Variants in HDAC9 observed in about 807,000 individuals in gnomAD.
The protein encoded by HDAC9 is MEF-2 interacting transcription repressor (MITR) protein.
HDAC9 carries 41 observed loss-of-function variants against 139.4 expected under a neutral mutation model. The observed-to-expected ratio is 0.29, with a 90% confidence interval of 0.23 to 0.38. The LOEUF (loss-of-function observed/expected upper bound fraction) is 0.38, where lower values mean the gene tolerates loss of function less well. HDAC9 is among the 10% of genes least tolerant of loss of function. The pLI is 1.00. For missense variants in HDAC9, 1,147 were observed against 1,297.0 expected (o/e 0.88, Z 1.78); for synonymous variants, 517 against 476.2 (o/e 1.09, Z -1.12).
At chr7:18,654,573 G>T (rs1421562725) in intron 11 of HDAC9, among the ~76,000 whole-genome samples, 1 of 151,932 alleles carries the variant, frequency 6.6e-6, no homozygotes, top group Non-Finnish European at 1.5e-5. Flanking sequence ...TCCTAACATA[G>T]GTTGTATGAC....
At chr7:18,177,754 T>C (rs17138725) in intron 2 of HDAC9, among the ~76,000 whole-genome samples, 13,353 of 152,026 alleles carry the variant, frequency 0.088, 771 homozygotes, top group East Asian at 0.16. Flanking sequence ...GTATATAGAG[T>C]GAAGCAGTTG....
In HDAC9 at chr7:18,416,011, C is replaced by G. The variant is rs900943449; in HGVS notation, c.-41-80251C>G. ...GCTAAAATTTTATTTAGAATTTTTG[C>G]AGCCAGGCTCAGTGACTCACGCCTG... On this transcript the variant is annotated intron_variant, in intron 1 of 3. Transcript: ENST00000413509. Among the ~76,000 whole-genome samples, 5 of 152,088 alleles carry G rather than the reference C, an allele frequency of 3.3e-5. No individual in the cohort carries two copies. The East Asian group carries it at 5.8e-4, about 18-fold the overall frequency.
chr7:18,991,423 G>A (rs959679006), intron 25 of HDAC9, among the ~76,000 whole-genome samples: 15 of 152,114 alleles, frequency 9.9e-5, no homozygotes, highest in South Asian at 2.1e-4. Context: ...GGCAGATCAC[G>A]AGGTCAGATC....
rs528512567 is a variant in HDAC9 at position 18,761,438 on chromosome 7, G to A, written c.2044-719G>A. ...TTTCCAATCTGTCAGAGACTAATAC[G>A]CATAAAAAATGTTAAAAATGAAATA... On this transcript the variant is annotated intron_variant, in intron 14 of 25. Coordinates refer to ENST00000686413, the MANE Select transcript of HDAC9 (RefSeq NM_178425.4). Among the ~76,000 whole-genome samples, 17 of 152,204 alleles carry A rather than the reference G, an allele frequency of 1.1e-4. No individual in the cohort carries two copies. In the East Asian group the frequency reaches 3.1e-3, roughly 28 times the overall value.
chr7:18,434,929 A>G (rs755617862), intron 1 of HDAC9, among the ~76,000 whole-genome samples: 2 of 152,044 alleles, frequency 1.3e-5, no homozygotes, highest in Non-Finnish European at 2.9e-5. Context: ...CACCATAAAG[A>G]CACATGAACT....
In HDAC9 at chr7:18,306,905, A is replaced by G. The variant is rs567164078; in HGVS notation, c.-42+16390A>G. Among the ~76,000 whole-genome samples the G allele has an allele frequency of 1.6e-4, 25 of 151,986 alleles. No individual in the cohort carries two copies. The East Asian group carries it at 1.7e-3, about 11-fold the overall frequency. ...TTTCCATTCTCCATGTCTGTTTCCAAACTCCCTCATGCAGCCATCTCCCCT... is the reference window on the plus strand; with the variant it reads ...TTTCCATTCTCCATGTCTGTTTCCAGACTCCCTCATGCAGCCATCTCCCCT... On this transcript the variant is annotated intron_variant, in intron 1 of 3. Coordinates refer to the HDAC9 transcript ENST00000413509.
intron 6 of HDAC9, among the ~76,000 whole-genome samples, chr7:18,597,964 A>C (rs953240931): frequency 3.3e-5 from 5 of 152,178 alleles, no homozygotes; most frequent in Non-Finnish European, 7.3e-5. Context: ...GGCCAGTATC[A>C]TTTTCCACAC....
intron 22 of HDAC9, among the ~76,000 whole-genome samples, chr7:18,931,057 C>G (rs1038489743): frequency 1.3e-5 from 2 of 152,032 alleles, no homozygotes; most frequent in Non-Finnish European, 2.9e-5. Context: ...TTTATTATAT[C>G]TTTTAAAATT....
At position 18,958,176 on chromosome 7, in the gene HDAC9, G is replaced by C. The variant is rs1256158139; in HGVS notation, c.3022+3946G>C. Among the ~76,000 whole-genome samples the C allele has an allele frequency of 2.6e-5, 4 of 152,108 alleles. No homozygotes were observed. The East Asian group carries it at 5.8e-4, about 22-fold the overall frequency. On this transcript the variant is annotated intron_variant, in intron 24 of 25. Coordinates refer to ENST00000686413, the MANE Select transcript of HDAC9 (RefSeq NM_178425.4). ...AGAAAAGGCCTTACAGGCCACAGAA[G>C]GGCAATGATTTATCCTGACAGGTGA...
At chr7:18,907,807 ATGTC>A (rs1166077478) in intron 22 of HDAC9, among the ~76,000 whole-genome samples, 4 of 152,178 alleles carry the variant, frequency 2.6e-5, no homozygotes, top group Non-Finnish European at 4.4e-5. Context: ...AATTCTTAGA[ATGTC>A]TGGTCATTTG....
At chr7:18,442,023 G>A (rs1413551092) in intron 1 of HDAC9, among the ~76,000 whole-genome samples, 1 of 152,144 alleles carries the variant, frequency 6.6e-6, no homozygotes, top group Non-Finnish European at 1.5e-5. Flanking sequence ...GCCCGCCTCA[G>A]CCTCCCAAAG....
At chr7:18,690,481 C>A (rs1382583726) in intron 12 of HDAC9, among the ~76,000 whole-genome samples, 3 of 151,948 alleles carry the variant, frequency 2.0e-5, no homozygotes, top group Non-Finnish European at 2.9e-5. Context: ...TGTGGGACAA[C>A]AATCCCTGCC....
chr7:18,895,544 T>A (rs1183445645), intron 22 of HDAC9, among the ~76,000 whole-genome samples: 2 of 152,122 alleles, frequency 1.3e-5, no homozygotes, highest in African/African-American at 4.8e-5. Context: ...AGTCACTAAA[T>A]CCTATTCTAA....
chr7:18,476,054 A>T (rs1795089620), intron 1 of HDAC9, among the ~76,000 whole-genome samples: 1 of 152,320 alleles, frequency 6.6e-6, no homozygotes, highest in Admixed American at 6.5e-5. Flanking sequence ...GGTCTCCATT[A>T]GGGATGACAA....
intron 2 of HDAC9, among the ~76,000 whole-genome samples, chr7:18,214,931 T>C (rs552748468): frequency 5.9e-4 from 90 of 152,142 alleles, no homozygotes; most frequent in Non-Finnish European, 1.2e-3. Flanking sequence ...ATACTGTTGG[T>C]ATTATTTTCA....
rs923743937 is a variant in HDAC9, at chr7:19,000,585, C to T, written c.*4523C>T. 2 of 152,118 alleles carry T rather than the reference C, an allele frequency of 1.3e-5. No homozygotes were observed. Among genetic ancestry groups the T allele is most frequent in the Non-Finnish European group, 2.9e-5 (2 of 68,018 alleles). 9.4% of individuals were successfully genotyped at this position (152,118 alleles called of 1,614,324 possible). On this transcript the variant is annotated 3_prime_UTR_variant, in exon 26 of 26. Transcript: ENST00000686413. ...AAAATACATTAAATACAATTAAGTC[C>T]GTTATTACTATGCTGGAAATAACTA...
intron 19 of HDAC9, among the ~76,000 whole-genome samples, chr7:18,832,692 T>G (rs905325296): frequency 2.6e-5 from 4 of 152,110 alleles, no homozygotes; most frequent in Admixed American, 1.3e-4. Flanking sequence ...GTACTTTGTA[T>G]GAATATTTTA....
intron 2 of HDAC9, among the ~76,000 whole-genome samples, chr7:18,186,042 C>T (rs776949994): frequency 6.6e-6 from 1 of 152,142 alleles, no homozygotes; most frequent in Non-Finnish European, 1.5e-5. Context: ...CTCATTTTAT[C>T]AGATTGAAAA....
intron 1 of HDAC9, among the ~76,000 whole-genome samples, chr7:18,306,761 T>C (rs549025592): frequency 6.6e-6 from 1 of 152,320 alleles, no homozygotes; most frequent in African/African-American, 2.4e-5. Flanking sequence ...CAACTGTTTT[T>C]CAAGCTTCAT....
Sources: gnomAD v4.1 joint callset for allele counts (sites outside exome capture counted in the v4.1 genomes callset) on GRCh38, gnomAD v4.1.1 for gene constraint, MANE v1.5 for transcripts, NCBI Gene and HGNC (gene_info 2026-07-23, HGNC 2026-07-21) for gene names.